ADAMTS14: variants seen among roughly 807,000 people sequenced by gnomAD.
The protein encoded by ADAMTS14 is A disintegrin and metalloproteinase with thrombospondin motifs 14.
ADAMTS14 carries 100 observed loss-of-function variants against 128.6 expected under a neutral mutation model. That is an observed-to-expected ratio of 0.78 (90% CI 0.66 to 0.92). The LOEUF (loss-of-function observed/expected upper bound fraction) is 0.92, where lower values mean the gene tolerates loss of function less well. Ranked by LOEUF, ADAMTS14 falls within the 40% of genes least tolerant of loss-of-function variation. The pLI is 0.00. For synonymous variants in ADAMTS14, 665 were observed against 653.8 expected (o/e 1.02, Z -0.26); for missense variants, 1,562 against 1,658.6 (o/e 0.94, Z 1.01).
rs1589328487 is a variant in ADAMTS14 at position 70,744,191 on chromosome 10, T to G, written c.2182+2T>G. 1 of 1,525,010 alleles carries G rather than the reference T, an allele frequency of 6.6e-7. No individual in the cohort carries two copies. The highest frequency in any genetic ancestry group is 2.5e-5 in the East Asian group (1 of 40,488). The allele number at this position is 1,525,010 out of a possible 1,614,324, so 94.5% of individuals were successfully genotyped here. A position where few individuals can be genotyped will look rare whatever the true frequency, so the allele number is the denominator to read the frequency against. On this transcript the variant is annotated splice_donor_variant, in intron 14 of 21. Coordinates refer to ENST00000373207, the MANE Select transcript of ADAMTS14 (RefSeq NM_080722.4). LOFTEE classifies it high-confidence loss of function. Reference sequence around the variant, plus strand: ...TGGGCAAGGCCTCCAAGCAGGCAGGTGAGCCGGGCTGGGGCTGGGGGGATG... The same window carrying G: ...TGGGCAAGGCCTCCAAGCAGGCAGGGGAGCCGGGCTGGGGCTGGGGGGATG...
Position 70,733,810 on chromosome 10 carries a change from G to GGCCT in ADAMTS14, c.1209-58_1209-55dup, listed in dbSNP as rs570889011. ...GGTCAGGTCAGGGTCTCCTGCTGCT[G>GGCCT]GCCTGCCTGCCTGCCTGCCTTCCCG... On this transcript the variant is annotated intron_variant, in intron 7 of 21. Transcript: ENST00000373207. 129 of 1,544,728 alleles carry GGCCT rather than the reference G, an allele frequency of 8.4e-5. No homozygotes were observed. In the Middle Eastern group the frequency reaches 8.9e-4, roughly 11 times the overall value.
chr10:70,692,813 T>G (rs1227691756), intron 2 of ADAMTS14, among the ~76,000 whole-genome samples: 1 of 152,212 alleles, frequency 6.6e-6, no homozygotes, highest in Non-Finnish European at 1.5e-5. Context: ...CTTTTCCCCT[T>G]AGGATGTTCA....
intron 3 of ADAMTS14, among the ~76,000 whole-genome samples, chr10:70,704,283 G>A (rs895678657): frequency 7.2e-5 from 11 of 151,982 alleles, no homozygotes; most frequent in African/African-American, 1.7e-4. Flanking sequence ...AATTCCTCTC[G>A]GCACTCAGTA....
At chr10:70,685,054 G>T (rs1020572479) in intron 2 of ADAMTS14, among the ~76,000 whole-genome samples, 1 of 152,260 alleles carries the variant, frequency 6.6e-6, no homozygotes, top group African/African-American at 2.4e-5. Context: ...GCAAGGGCTG[G>T]TTTTATTTTT....
At chr10:70,683,127 C>T (rs1839863528) in intron 2 of ADAMTS14, among the ~76,000 whole-genome samples, 1 of 152,240 alleles carries the variant, frequency 6.6e-6, no homozygotes, top group Admixed American at 6.5e-5. Context: ...GGCACGCTGT[C>T]CCTGGGCCTC....
chr10:70,751,663 C>T lies in ADAMTS14; in HGVS notation c.2596+17C>T. ...GTGGAGGAGGTACCGGTTCCCTGAC[C>T]CGCCAGTGCTTTGTTGGGGCAGCCC... On this transcript the variant is annotated intron_variant, in intron 17 of 21. Transcript: ENST00000373207. The T allele has an allele frequency of 6.3e-7, 1 of 1,597,552 alleles. No homozygotes were observed. Among genetic ancestry groups the T allele is most frequent in the Non-Finnish European group, 8.6e-7 (1 of 1,166,248 alleles).
At position 70,745,264 on chromosome 10, in the gene ADAMTS14, C is replaced by T; in HGVS notation, c.2221C>T (p.His741Tyr). 6.2e-7 allele frequency: 1 copy of T among 1,612,558 alleles called. No homozygotes were observed. Residue 741 changes from histidine (H) to tyrosine (Y), a missense_variant, in exon 15 of 22, where the codon CAC becomes TAC. Coordinates refer to ENST00000373207, the MANE Select transcript of ADAMTS14 (RefSeq NM_080722.4). ...GGTGCAGATCCCAGCAGGTGCCAGGCACATCCAGATTGAGGCACTGGAGAA... is the reference window on the plus strand; with the variant it reads ...GGTGCAGATCCCAGCAGGTGCCAGGTACATCCAGATTGAGGCACTGGAGAA... ...KLVQIPAGAR[H>Y]IQIEALEKSP...
rs1842575386 is a variant in ADAMTS14, at chr10:70,760,297, GGC to G, written c.3179-62_3179-61del. The G allele has an allele frequency of 1.1e-5, 16 of 1,501,492 alleles. No individual in the cohort carries two copies. In the African/African-American group the frequency reaches 1.2e-4, roughly 12 times the overall value. 93.0% of individuals were successfully genotyped at this position (1,501,492 alleles called of 1,614,324 possible). ...CAGTCAGTGGGTAAGTGGGAGGGGG[GGC>G]CACCTGACTGACAGGCATCCCCACG... On this transcript the variant is annotated intron_variant, in intron 21 of 21. Coordinates refer to ENST00000373207, the MANE Select transcript of ADAMTS14 (RefSeq NM_080722.4).
At chr10:70,747,392 C>A (rs138758467) in intron 15 of ADAMTS14, among the ~76,000 whole-genome samples, 2 of 151,972 alleles carry the variant, frequency 1.3e-5, no homozygotes, top group African/African-American at 4.8e-5. Flanking sequence ...TCTACCACAG[C>A]GAGCCCAGGT....
intron 4 of ADAMTS14, among the ~76,000 whole-genome samples, chr10:70,724,382 G>A (rs972291225): frequency 7.9e-5 from 12 of 152,138 alleles, no homozygotes; most frequent in African/African-American, 2.4e-4. Flanking sequence ...ATCCTGTCTC[G>A]TGCCCAACCA....
intron 4 of ADAMTS14, among the ~76,000 whole-genome samples, chr10:70,710,481 G>A (rs945654734): frequency 3.3e-5 from 5 of 152,210 alleles, no homozygotes; most frequent in Admixed American, 6.5e-5. Context: ...CATACAGACC[G>A]AAAGATGACT....
Position 70,672,723 on chromosome 10 carries a change from G to T in ADAMTS14, c.-80G>T. 1 of 1,389,850 alleles carries T rather than the reference G, an allele frequency of 7.2e-7. No individual in the cohort carries two copies. Among genetic ancestry groups the T allele is most frequent in the Non-Finnish European group, 9.3e-7 (1 of 1,076,336 alleles). 86.1% of individuals were successfully genotyped at this position (1,389,850 alleles called of 1,614,324 possible). A position where few individuals can be genotyped will look rare whatever the true frequency, so the allele number is the denominator to read the frequency against. On this transcript the variant is annotated 5_prime_UTR_variant, in exon 1 of 22. Transcript: ENST00000373207. ...AGCCAGCCGGTGCTCCGACAGCCCGGGGCGCACCCTAGCCTCGCCGCCCTC... is the reference window on the plus strand; with the variant it reads ...AGCCAGCCGGTGCTCCGACAGCCCGTGGCGCACCCTAGCCTCGCCGCCCTC...
intron 16 of ADAMTS14, among the ~76,000 whole-genome samples, chr10:70,751,246 A>T (rs1564558368): frequency 6.6e-6 from 1 of 152,160 alleles, no homozygotes; most frequent in Admixed American, 6.5e-5. Context: ...TCCTAGGTGC[A>T]GTGGCTGCCC....
At position 70,738,945 on chromosome 10, in the gene ADAMTS14, G is replaced by T; in HGVS notation, c.1703G>T (p.Cys568Phe). The change falls in exon 11 of 22, where the codon TGT becomes TTT. Residue 568 changes from cysteine to phenylalanine, a missense_variant. Transcript: ENST00000373207. ...AAGTTTGGGTCATGTTCGCGGTCAT[G>T]TGGGGGCGGGGTGCGATCCCGCAGC... ...WTKFGSCSRS[C>F]GGGVRSRSRS... 6.2e-7 allele frequency: 1 copy of T among 1,613,892 alleles called. No individual in the cohort carries two copies. The highest frequency in any genetic ancestry group is 1.1e-5 in the South Asian group (1 of 91,080).
chr10:70,697,396 TC>T (rs1840360893), intron 2 of ADAMTS14, among the ~76,000 whole-genome samples: 1 of 152,204 alleles, frequency 6.6e-6, no homozygotes, highest in African/African-American at 2.4e-5. Flanking sequence ...CCAGGCCAGG[TC>T]CTTGCTCATT....
At chr10:70,723,051 A>G (rs570793241) in intron 4 of ADAMTS14, among the ~76,000 whole-genome samples, 191 of 152,328 alleles carry the variant, frequency 1.3e-3, no homozygotes, top group African/African-American at 4.5e-3. Context: ...GCCAACAGCA[A>G]CAGTGATGAG....
intron 2 of ADAMTS14, among the ~76,000 whole-genome samples, chr10:70,688,342 G>C (rs1165366327): frequency 1.0e-5 from 1 of 97,526 alleles, no homozygotes; most frequent in Non-Finnish European, 2.3e-5. Context: ...TCACTTCCTA[G>C]ATGGGATGGC....
At chr10:70,759,836 A>G (rs1162016707) in intron 21 of ADAMTS14, among the ~76,000 whole-genome samples, 2 of 152,162 alleles carry the variant, frequency 1.3e-5, no homozygotes, top group Non-Finnish European at 2.9e-5. Flanking sequence ...ACTTCCATCC[A>G]GAGCAGCTGC....
At chr10:70,717,553 G>A (rs1357300358) in intron 4 of ADAMTS14, among the ~76,000 whole-genome samples, 4 of 152,166 alleles carry the variant, frequency 2.6e-5, no homozygotes, top group Non-Finnish European at 1.5e-5. Flanking sequence ...CCCCGTGGTG[G>A]CATCCAAGGT....
Sources: gnomAD v4.1 joint callset for allele counts (sites outside exome capture counted in the v4.1 genomes callset) on GRCh38, gnomAD v4.1.1 for gene constraint, MANE v1.5 for transcripts, NCBI Gene and HGNC (gene_info 2026-07-23, HGNC 2026-07-21) for gene names.